The following COL24A1 variants were observed in gnomAD, a reference collection of about 807,000 sequenced individuals.
COL24A1 encodes the protein collagen type XXIV alpha 1 chain, also known as collagen alpha-1(XXIV) chain.
A neutral mutation model predicts 253.9 loss-of-function variants in COL24A1; 224 were observed. That is an observed-to-expected ratio of 0.88 (90% CI 0.79 to 0.99). The LOEUF (loss-of-function observed/expected upper bound fraction) is 0.99, where lower values mean the gene tolerates loss of function less well. COL24A1 is among the 50% of genes least tolerant of loss of function. COL24A1 has a pLI of 0.00. For missense variants in COL24A1, 2,131 were observed against 2,068.5 expected, an observed-to-expected ratio of 1.03 and a Z score of -0.59; for synonymous variants, 685 against 673.7, an observed-to-expected ratio of 1.02 and a Z score of -0.26.
At chr1:85,850,519 T>C (rs933904021) in intron 37 of COL24A1, among the ~76,000 whole-genome samples, 3 of 152,188 alleles carry the variant, frequency 2.0e-5, no homozygotes, top group African/African-American at 7.2e-5. Flanking sequence ...GCTGTAGTTA[T>C]AGCTGCATCC....
rs1341793324 is a variant in COL24A1, at chr1:85,754,877, A to T, written c.4437+6519T>A. On this transcript the variant is annotated intron_variant, in intron 55 of 59. Transcript: ENST00000370571. Reference sequence around the variant, plus strand: ...ACATATGCATGATGAGAGTCTCAGAAGGGGAGGAGAGAGAAAAGGGGGCAC... The same window carrying T: ...ACATATGCATGATGAGAGTCTCAGATGGGGAGGAGAGAGAAAAGGGGGCAC... Among the ~76,000 whole-genome samples, 4 of 152,132 alleles carry T rather than the reference A, an allele frequency of 2.6e-5. No homozygotes were observed. The East Asian group carries it at 7.7e-4, about 29-fold the overall frequency.
At chr1:86,065,756 T>TAAA (rs71078636) in intron 7 of COL24A1, among the ~76,000 whole-genome samples, 2,606 of 118,470 alleles carry the variant, frequency 0.022, 29 homozygotes, top group Middle Eastern at 0.062. Context: ...TAGCAACCTC[T>TAAA]AAAAAAAAAA....
intron 14 of COL24A1, 143 bp downstream of exon 14, chr1:86,031,735 G>GA (rs1491411113): frequency 2.3e-6 from 1 of 426,170 alleles, no homozygotes; most frequent in Non-Finnish European, 4.1e-6. Context: ...ATATCTGGTT[G>GA]AAAAAAATAC....
intron 48 of COL24A1, among the ~76,000 whole-genome samples, chr1:85,784,623 G>A (rs1669485227): frequency 6.6e-6 from 1 of 152,132 alleles, no homozygotes. Flanking sequence ...AAGAGGGAAG[G>A]GGGAACCTAT....
At chr1:86,070,398 A>G (rs1267326046) in intron 7 of COL24A1, among the ~76,000 whole-genome samples, 1 of 152,182 alleles carries the variant, frequency 6.6e-6, no homozygotes, top group Non-Finnish European at 1.5e-5. Flanking sequence ...AGAGAAAGAG[A>G]TAGGGGTAGA....
At chr1:86,080,373 C>A (rs1210843935) in intron 7 of COL24A1, among the ~76,000 whole-genome samples, 1 of 152,040 alleles carries the variant, frequency 6.6e-6, no homozygotes, top group African/African-American at 2.4e-5. Context: ...TATTTGCTAG[C>A]ACAACAGGGA....
At chr1:86,097,265 T>G (rs140829733) in intron 5 of COL24A1, among the ~76,000 whole-genome samples, 17 of 152,272 alleles carry the variant, frequency 1.1e-4, no homozygotes, top group African/African-American at 4.1e-4. Context: ...TTGTTCTCTC[T>G]TGGACCTACT....
chr1:86,041,345 G>A (rs1022793497), intron 12 of COL24A1, among the ~76,000 whole-genome samples: 3 of 152,154 alleles, frequency 2.0e-5, no homozygotes, highest in Non-Finnish European at 4.4e-5. Flanking sequence ...TCTAGGTGTT[G>A]TTGAAAGCAA....
intron 4 of COL24A1, among the ~76,000 whole-genome samples, chr1:86,113,973 T>A (rs138748444): frequency 1.7e-4 from 26 of 152,000 alleles, no homozygotes; most frequent in African/African-American, 6.0e-4. Flanking sequence ...AATAAGTTGC[T>A]GATGTAAAAG....
chr1:85,882,791 G>A lies in COL24A1; in HGVS notation c.2977-5616C>T, dbSNP rs116829632. 3.2e-3 allele frequency among the ~76,000 whole-genome samples: 491 copies of A among 152,184 alleles called. 3 individuals carry two copies. The highest frequency in any genetic ancestry group is 0.011 in the African/African-American group (454 of 41,526). On this transcript the variant is annotated intron_variant, in intron 32 of 59. Transcript: ENST00000370571. ...GCTTCATGTATTTTGATGCTCCGTC[G>A]TCAGGTGCATTAAGTACTGTTATCC...
intron 43 of COL24A1, among the ~76,000 whole-genome samples, chr1:85,834,058 T>C (rs1309892592): frequency 6.6e-6 from 1 of 151,782 alleles, no homozygotes; most frequent in Non-Finnish European, 1.5e-5. Context: ...ATGGCACATG[T>C]ATACATATGT....
intron 22 of COL24A1, among the ~76,000 whole-genome samples, chr1:85,967,804 T>C (rs1248503720): frequency 6.6e-6 from 1 of 152,180 alleles, no homozygotes; most frequent in Admixed American, 6.6e-5. Flanking sequence ...CTGCTGCTCA[T>C]CTGACAGGAG....
chr1:86,043,378 CAG>C (rs1699650725), intron 12 of COL24A1, among the ~76,000 whole-genome samples: 1 of 151,654 alleles, frequency 6.6e-6, no homozygotes, highest in African/African-American at 2.4e-5. Context: ...TAGAAAAAAA[CAG>C]AAATATTAAT....
At chr1:85,819,621 A>G (rs1172810459) in intron 45 of COL24A1, among the ~76,000 whole-genome samples, 1 of 152,168 alleles carries the variant, frequency 6.6e-6, no homozygotes, top group Non-Finnish European at 1.5e-5. Flanking sequence ...TTAAAAACCA[A>G]GGTTTGTTAT....
intron 4 of COL24A1, 58 bp from the exon 5 acceptor site, chr1:86,112,678 A>G: frequency 2.7e-6 from 4 of 1,481,338 alleles, no homozygotes; most frequent in Non-Finnish European, 3.8e-6. Flanking sequence ...AACAAAGTAC[A>G]ATTGCTTACT....
chr1:85,925,514 C>A (rs556414276), intron 24 of COL24A1, among the ~76,000 whole-genome samples: 1 of 152,014 alleles, frequency 6.6e-6, no homozygotes, highest in African/African-American at 2.4e-5. Flanking sequence ...TCAGAAATAA[C>A]GCCGCATATC....
chr1:86,118,160 T>TC (rs1308794099), intron 3 of COL24A1, among the ~76,000 whole-genome samples: 1 of 152,022 alleles, frequency 6.6e-6, no homozygotes, highest in Admixed American at 6.6e-5. Context: ...CTTCTTGGGT[T>TC]CAAGCAATTC....
intron 42 of COL24A1, among the ~76,000 whole-genome samples, chr1:85,840,618 A>C (rs1676500580): frequency 6.6e-6 from 1 of 152,174 alleles, no homozygotes; most frequent in Admixed American, 6.5e-5. Flanking sequence ...CATTTAATTT[A>C]CATATGGTCT....
chr1:86,123,879 G>C (rs534564706), intron 3 of COL24A1, among the ~76,000 whole-genome samples: 1 of 151,784 alleles, frequency 6.6e-6, no homozygotes, highest in Non-Finnish European at 1.5e-5. Flanking sequence ...CTAAAAGACT[G>C]GCTTCACCTT....
Sources: allele counts gnomAD v4.1 joint callset (sites outside exome capture counted in the v4.1 genomes callset), GRCh38; gene constraint gnomAD v4.1.1; transcripts MANE v1.5; gene names NCBI Gene and HGNC (gene_info 2026-07-23, HGNC 2026-07-21).